The following LYRM4 variants were observed in gnomAD, a reference collection of about 807,000 sequenced individuals.
LYRM4 encodes LYR motif containing 4.
LYRM4 carries 9 observed loss-of-function variants against 11.7 expected under a neutral mutation model. That is an observed-to-expected ratio of 0.77 (90% confidence interval 0.46 to 1.34). LYRM4 has a LOEUF of 1.34. Ranked by LOEUF, LYRM4 falls within the 40% of genes most tolerant of loss-of-function variation. The pLI, the probability that LYRM4 is intolerant of heterozygous loss-of-function variation, is 0.00. For synonymous variants in LYRM4, 42 were observed against 40.4 expected, an observed-to-expected ratio of 1.04 and a Z score of -0.15; for missense variants, 133 against 112.5, an observed-to-expected ratio of 1.18 and a Z score of -0.82.
chr6:5,087,566 T>C, the LYRM4 span: 1 of 152,314 alleles, frequency 6.6e-6, no homozygotes, highest in East Asian at 1.9e-4. Context: ...GCCGGGCCAT[T>C]AGCAGTCAGA....
intron 1 of LYRM4, among the ~76,000 whole-genome samples, chr6:5,227,991 G>T (rs1421790591): frequency 6.6e-6 from 1 of 152,096 alleles, no homozygotes; most frequent in Non-Finnish European, 1.5e-5. Flanking sequence ...TGCGGGGTGG[G>T]GGGCTAGGAG....
At chr6:5,154,873 A>T (rs1039064939) in intron 2 of LYRM4, among the ~76,000 whole-genome samples, 1 of 152,230 alleles carries the variant, frequency 6.6e-6, no homozygotes, top group Non-Finnish European at 1.5e-5. Context: ...ACAAAGGTGC[A>T]GTAACTTCAC....
chr6:5,254,233 A>G (rs950168333), intron 1 of LYRM4, among the ~76,000 whole-genome samples: 1 of 152,196 alleles, frequency 6.6e-6, no homozygotes, highest in Admixed American at 6.5e-5. Flanking sequence ...AGTTGAACGA[A>G]TTGGCCTCAT....
intron 2 of LYRM4, among the ~76,000 whole-genome samples, chr6:5,176,310 G>A (rs1475441022): frequency 2.0e-5 from 3 of 152,080 alleles, no homozygotes; most frequent in Admixed American, 6.5e-5. Flanking sequence ...TGATCCACCC[G>A]CCTCAGCCTC....
chr6:5,086,605 A>C, the LYRM4 span: 17 of 1,411,288 alleles, frequency 1.2e-5, no homozygotes, highest in Non-Finnish European at 1.4e-5. Context: ...GTTGATTAGC[A>C]CGTGGAGCTC....
chr6:5,161,752 C>T (rs1024121191), intron 2 of LYRM4, among the ~76,000 whole-genome samples: 1 of 152,182 alleles, frequency 6.6e-6, no homozygotes, highest in Non-Finnish European at 1.5e-5. Context: ...TATTGACATA[C>T]TTGCGTTACG....
At chr6:5,121,881 T>G (rs755332534) in intron 2 of LYRM4, among the ~76,000 whole-genome samples, 2 of 152,234 alleles carry the variant, frequency 1.3e-5, no homozygotes, top group Admixed American at 6.5e-5. Flanking sequence ...ATGCTGAGGC[T>G]GATCCTTCCT....
the LYRM4 span, among the ~76,000 whole-genome samples, chr6:5,041,514 A>G: frequency 6.6e-6 from 1 of 152,254 alleles, no homozygotes; most frequent in African/African-American, 2.4e-5. Context: ...ATACAATATC[A>G]TACTTATTAC....
chr6:5,257,925 C>A (rs1386624391), intron 1 of LYRM4, among the ~76,000 whole-genome samples: 1 of 152,102 alleles, frequency 6.6e-6, no homozygotes, highest in African/African-American at 2.4e-5. Flanking sequence ...AGCAATGAGA[C>A]CTGTTTGGCT....
At chr6:5,175,591 G>A (rs1759669928) in intron 2 of LYRM4, among the ~76,000 whole-genome samples, 1 of 152,182 alleles carries the variant, frequency 6.6e-6, no homozygotes, top group East Asian at 1.9e-4. Flanking sequence ...ACTAAGGAGA[G>A]GGGGCCTGTG....
the LYRM4 span, among the ~76,000 whole-genome samples, chr6:5,047,285 G>T: frequency 6.6e-6 from 1 of 152,156 alleles, no homozygotes; most frequent in South Asian, 2.1e-4. Context: ...TGCATTTTCT[G>T]AAACTTCCCC....
chr6:5,142,353 A>C (rs1413964492), intron 2 of LYRM4, among the ~76,000 whole-genome samples: 2 of 149,206 alleles, frequency 1.3e-5, no homozygotes, highest in African/African-American at 5.0e-5. Flanking sequence ...CTCCTGGCTC[A>C]CAACTAGCAT....
chr6:5,057,753 T>A, the LYRM4 span, among the ~76,000 whole-genome samples: 1 of 150,566 alleles, frequency 6.6e-6, no homozygotes, highest in South Asian at 2.1e-4. Context: ...TCATTCCTAG[T>A]GAAACGCTCA....
the LYRM4 span, chr6:5,066,719 T>TA: frequency 8.5e-6 from 7 of 827,902 alleles, no homozygotes; most frequent in Admixed American, 2.0e-5. Context: ...GTTTTCTCCA[T>TA]ACGATTTGCG....
intron 2 of LYRM4, among the ~76,000 whole-genome samples, chr6:5,110,855 C>T (rs1035931040): frequency 3.3e-5 from 5 of 152,180 alleles, no homozygotes; most frequent in Non-Finnish European, 7.4e-5. Flanking sequence ...GTCTGGGGTG[C>T]TGCGTTTCTC....
chr6:5,040,439 T>C, the LYRM4 span, among the ~76,000 whole-genome samples: 2 of 150,204 alleles, frequency 1.3e-5, no homozygotes, highest in Non-Finnish European at 3.0e-5. Context: ...TGGTGGCTCA[T>C]GCCTGTAATC....
downstream of LYRM4, among the ~76,000 whole-genome samples, chr6:5,100,810 C>G (rs1762475590): frequency 6.6e-6 from 1 of 152,206 alleles, no homozygotes; most frequent in South Asian, 2.1e-4. Context: ...AGTCCCCCTG[C>G]CAGTCTTTCA....
At chr6:5,256,113 A>G (rs1764651927) in intron 1 of LYRM4, among the ~76,000 whole-genome samples, 1 of 151,974 alleles carries the variant, frequency 6.6e-6, no homozygotes, top group Admixed American at 6.6e-5. Flanking sequence ...AAGGTGAGAA[A>G]ATTAGTGGCT....
chr6:5,083,756 C>T, the LYRM4 span, among the ~76,000 whole-genome samples: 1 of 152,228 alleles, frequency 6.6e-6, no homozygotes, highest in Non-Finnish European at 1.5e-5. Flanking sequence ...ATGGCTAAAA[C>T]CCTGGCCCCT....
Sources: gnomAD v4.1 joint callset for allele counts (sites outside exome capture counted in the v4.1 genomes callset) on GRCh38, gnomAD v4.1.1 for gene constraint, MANE v1.5 for transcripts, NCBI Gene and HGNC (gene_info 2026-07-23, HGNC 2026-07-21) for gene names.